The following ASAP1 variants were observed in gnomAD, a reference collection of about 807,000 sequenced individuals.
ASAP1 encodes the protein arf-GAP with SH3 domain, ANK repeat and PH domain-containing protein 1.
In ASAP1, 43 loss-of-function variants were observed where a neutral mutation model predicts 145.2. The observed-to-expected ratio is 0.30, with a 90% CI of 0.23 to 0.38. The LOEUF is 0.38. ASAP1 is among the 10% of genes least tolerant of loss of function. The pLI, the probability that ASAP1 is intolerant of heterozygous loss-of-function variation, is 1.00. For missense variants in ASAP1, 1,018 were observed against 1,355.3 expected (o/e 0.75, Z 3.91); for synonymous variants, 546 against 515.5 (o/e 1.06, Z -0.80).
intron 3 of ASAP1, among the ~76,000 whole-genome samples, chr8:130,283,674 G>C (rs1044998962): frequency 6.6e-6 from 1 of 151,000 alleles, no homozygotes; most frequent in African/African-American, 2.4e-5. Context: ...GTGGGGAACA[G>C]TGTTTCAGAA....
intron 2 of ASAP1, among the ~76,000 whole-genome samples, chr8:130,390,953 G>C (rs1269185617): frequency 7.0e-6 from 1 of 142,032 alleles, no homozygotes; most frequent in African/African-American, 2.8e-5. Flanking sequence ...CCCCAAAATT[G>C]AAAGCAGGAT....
intron 18 of ASAP1, 35 bp downstream of exon 18, chr8:130,123,978 G>A: frequency 1.4e-6 from 2 of 1,457,992 alleles, no homozygotes; most frequent in Admixed American, 3.6e-5. Flanking sequence ...ATTATAGAAT[G>A]GTTTAAAAAA....
intron 3 of ASAP1, among the ~76,000 whole-genome samples, chr8:130,355,733 G>T (rs1325631664): frequency 6.6e-6 from 1 of 152,038 alleles, no homozygotes; most frequent in East Asian, 1.9e-4. Flanking sequence ...AAGCATGGGG[G>T]AAAAATTAAA....
At chr8:130,344,334 C>T (rs920167807) in intron 3 of ASAP1, among the ~76,000 whole-genome samples, 5 of 151,464 alleles carry the variant, frequency 3.3e-5, no homozygotes, top group Non-Finnish European at 5.9e-5. Flanking sequence ...TTAATGACAC[C>T]GAGGAAGTGT....
chr8:130,296,825 C>T (rs1822310694), intron 3 of ASAP1, among the ~76,000 whole-genome samples: 5 of 152,026 alleles, frequency 3.3e-5, no homozygotes, highest in Admixed American at 3.3e-4. Flanking sequence ...TATTTTCTAT[C>T]TCTTTCTCTG....
intron 2 of ASAP1, among the ~76,000 whole-genome samples, chr8:130,375,002 T>G (rs3924416): frequency 0.15 from 23,155 of 152,114 alleles, 2,311 homozygotes; most frequent in African/African-American, 0.29. Flanking sequence ...AGCTTTGGGA[T>G]CTTAGCCTAA....
intron 6 of ASAP1, among the ~76,000 whole-genome samples, chr8:130,187,848 G>A (rs1021275632): frequency 2.6e-5 from 4 of 152,162 alleles, no homozygotes; most frequent in Non-Finnish European, 5.9e-5. Flanking sequence ...CACACTGTGG[G>A]AGCCAAGACT....
At chr8:130,352,560 G>T (rs1243082049) in intron 3 of ASAP1, among the ~76,000 whole-genome samples, 4 of 152,212 alleles carry the variant, frequency 2.6e-5, no homozygotes, top group Non-Finnish European at 5.9e-5. Flanking sequence ...ACAGAAGTCT[G>T]ACTGGCCTGC....
At chr8:130,302,781 G>C (rs926119950) in intron 3 of ASAP1, among the ~76,000 whole-genome samples, 1 of 152,166 alleles carries the variant, frequency 6.6e-6, no homozygotes. Context: ...CAGAGGACAT[G>C]TACCAATGTA....
chr8:130,358,164 C>A lies in ASAP1; in HGVS notation c.60-21G>T. The A allele has an allele frequency of 6.3e-7, 1 of 1,589,398 alleles. No homozygotes were observed. The highest frequency in any genetic ancestry group is 8.5e-7 in the Non-Finnish European group (1 of 1,169,854). The stretch of plus-strand genomic sequence containing the variant: ...GCATCCTGCCGGGAGGGACGAGACA[C>A]AAGCGGGGGCGGGGGGTGAGTCACG... On this transcript the variant is annotated intron_variant, in intron 2 of 29. Coordinates refer to ENST00000518721, the MANE Select transcript of ASAP1 (RefSeq NM_018482.4). This position sits in a 1 kb window ranked among gnomAD's most constrained non-coding sequence, Gnocchi z 4.1.
At chr8:130,136,277 A>G (rs1042591821) in intron 14 of ASAP1, among the ~76,000 whole-genome samples, 1 of 152,204 alleles carries the variant, frequency 6.6e-6, no homozygotes, top group Non-Finnish European at 1.5e-5. Context: ...GGCACAGGCT[A>G]TAACAGGCTG....
intron 1 of ASAP1, among the ~76,000 whole-genome samples, chr8:130,425,799 G>A (rs1829894694): frequency 6.6e-6 from 1 of 152,174 alleles, no homozygotes; most frequent in Non-Finnish European, 1.5e-5. Context: ...TAAAGCGGCT[G>A]ACAGACTAAC....
intron 1 of ASAP1, among the ~76,000 whole-genome samples, chr8:130,422,868 ATTC>A (rs1411147442): frequency 6.6e-6 from 1 of 152,220 alleles, no homozygotes; most frequent in East Asian, 1.9e-4. Context: ...GCCTTCTATT[ATTC>A]TTAACATGGA....
chr8:130,436,063 C>G (rs1830301168), intron 1 of ASAP1, among the ~76,000 whole-genome samples: 1 of 152,152 alleles, frequency 6.6e-6, no homozygotes, highest in African/African-American at 2.4e-5. Context: ...ACTGGCTCCT[C>G]TAGAACGAAC....
At position 130,271,290 on chromosome 8, in the gene ASAP1, T is replaced by C. The variant is rs549490763; in HGVS notation, c.187-34296A>G. 2.6e-5 allele frequency among the ~76,000 whole-genome samples: 4 copies of C among 152,336 alleles called. No individual in the cohort carries two copies. The East Asian group carries it at 5.8e-4, about 22-fold the overall frequency. ...CATGTTAAAGGGGCAGTTTATCCTATATGTACCTTCAACCTCACTCTACCC... is the reference window on the plus strand; with the variant it reads ...CATGTTAAAGGGGCAGTTTATCCTACATGTACCTTCAACCTCACTCTACCC... On this transcript the variant is annotated intron_variant, in intron 3 of 29. Coordinates refer to ENST00000518721, the MANE Select transcript of ASAP1 (RefSeq NM_018482.4).
chr8:130,128,654 TATA>T (rs1235133889), intron 15 of ASAP1, among the ~76,000 whole-genome samples: 1 of 152,184 alleles, frequency 6.6e-6, no homozygotes, highest in Non-Finnish European at 1.5e-5. Context: ...TGATGACATT[TATA>T]ATATTAAATG....
chr8:130,204,599 G>A (rs1816084191), intron 5 of ASAP1, among the ~76,000 whole-genome samples: 1 of 152,172 alleles, frequency 6.6e-6, no homozygotes, highest in African/African-American at 2.4e-5. Context: ...CTAGGTAGGT[G>A]GGGCCAAGAT....
At chr8:130,438,098 G>T (rs887542100) in intron 1 of ASAP1, among the ~76,000 whole-genome samples, 1 of 152,180 alleles carries the variant, frequency 6.6e-6, no homozygotes. Flanking sequence ...TCAGCTCGTC[G>T]GTGGCCAAGA....
chr8:130,296,048 C>T (rs1242117083), intron 3 of ASAP1, among the ~76,000 whole-genome samples: 2 of 152,184 alleles, frequency 1.3e-5, no homozygotes. Flanking sequence ...TCTGAAACCC[C>T]AGCCAAGTGG....
Sources: allele counts gnomAD v4.1 joint callset (sites outside exome capture counted in the v4.1 genomes callset), GRCh38; gene constraint gnomAD v4.1.1; non-coding constraint Gnocchi (gnomAD v3.1); transcripts MANE v1.5; gene names NCBI Gene and HGNC (gene_info 2026-07-23, HGNC 2026-07-21).